Variants in PHKB observed in about 807,000 individuals in gnomAD.
PHKB encodes the protein phosphorylase kinase regulatory subunit beta, also known as phosphorylase b kinase regulatory subunit beta.
A neutral mutation model predicts 152.1 loss-of-function variants in PHKB; 122 were observed. The observed-to-expected ratio is 0.80, with a 90% CI of 0.69 to 0.93. The LOEUF (loss-of-function observed/expected upper bound fraction) is 0.93. Ranked by LOEUF, PHKB falls within the 40% of genes least tolerant of loss-of-function variation. PHKB has a pLI of 0.00. For synonymous variants in PHKB, 436 were observed against 464.9 expected, an observed-to-expected ratio of 0.94 and a Z score of 0.80; for missense variants, 1,304 against 1,328.4, an observed-to-expected ratio of 0.98 and a Z score of 0.29.
chr16:47,532,048 ATTAC>A (rs1970870447), intron 6 of PHKB, among the ~76,000 whole-genome samples: 2 of 152,204 alleles, frequency 1.3e-5, no homozygotes, highest in South Asian at 4.1e-4. Context: ...ATAAAGAACT[ATTAC>A]TTATCAATTT....
rs754094853 is a variant in PHKB at position 47,589,057 on chromosome 16, A to T, written c.1023A>T (p.Ser341=). ...KRFLRDGYRT[S]LEDPNRCYYK... Reference sequence around the variant, plus strand: ...TCTTGAGAGATGGGTATAGAACATCATTGGAAGATCCCAACAGATGCTACT... The same window carrying T: ...TCTTGAGAGATGGGTATAGAACATCTTTGGAAGATCCCAACAGATGCTACT... Residue 341 remains serine, a synonymous_variant, in exon 10 of 31, where the codon TCA becomes TCT. Coordinates refer to ENST00000323584, the MANE Select transcript of PHKB (RefSeq NM_000293.3). The T allele has an allele frequency of 6.2e-7, 1 of 1,613,612 alleles. No individual in the cohort carries two copies. The highest frequency in any genetic ancestry group is 1.7e-5 in the Admixed American group (1 of 59,958).
chr16:47,475,861 T>C (rs1240034327), intron 1 of PHKB, among the ~76,000 whole-genome samples: 1 of 152,178 alleles, frequency 6.6e-6, no homozygotes, highest in African/African-American at 2.4e-5. Flanking sequence ...CTGTGGCTTA[T>C]ATAAACATGT....
chr16:47,664,642 A>C, intron 24 of PHKB: 3 of 519,778 alleles, frequency 5.8e-6, no homozygotes, highest in Non-Finnish European at 1.0e-5. Flanking sequence ...TCAGTACAGT[A>C]AGACATCAAG....
intron 14 of PHKB, among the ~76,000 whole-genome samples, chr16:47,623,713 C>G (rs1388302033): frequency 2.0e-5 from 3 of 151,880 alleles, no homozygotes; most frequent in African/African-American, 7.3e-5. Context: ...GCCATCATGC[C>G]TGGTTAATTT....
chr16:47,663,857 T>C lies in PHKB; in HGVS notation c.2336+123T>C. 4.2e-6 allele frequency: 3 copies of C among 716,816 alleles called. No homozygotes were observed. In the South Asian group the frequency reaches 4.5e-5, roughly 11 times the overall value. The allele number at this position is 716,816 out of a possible 1,614,324, so 44.4% of individuals were successfully genotyped here. A position where few individuals can be genotyped will look rare whatever the true frequency, so the allele number is the denominator to read the frequency against. ...TAATTTTTACTTTTAACCTCCAAGGTTACAGCACTTTCTAAGAATGTGCCT... is the reference window on the plus strand; with the variant it reads ...TAATTTTTACTTTTAACCTCCAAGGCTACAGCACTTTCTAAGAATGTGCCT... On this transcript the variant is annotated intron_variant, in intron 24 of 30. Transcript: ENST00000323584.
intron 14 of PHKB, among the ~76,000 whole-genome samples, chr16:47,616,627 A>G (rs1382576155): frequency 6.9e-6 from 1 of 145,598 alleles, no homozygotes; most frequent in East Asian, 1.9e-4. Context: ...ATCATATATT[A>G]ATATATGATA....
intron 7 of PHKB, among the ~76,000 whole-genome samples, chr16:47,551,406 A>G (rs571253190): frequency 6.6e-6 from 1 of 152,274 alleles, no homozygotes. Flanking sequence ...AGATTCTGGT[A>G]CATTGTGTCT....
chr16:47,680,767 C>T (rs1040196749), intron 26 of PHKB, among the ~76,000 whole-genome samples: 4 of 152,132 alleles, frequency 2.6e-5, no homozygotes, highest in Admixed American at 2.6e-4. Flanking sequence ...GTCTCTATTT[C>T]CTTCAGTTCT....
chr16:47,641,588 A>G lies in PHKB; in HGVS notation c.1515-11A>G, dbSNP rs756534860. ...TCTTAAAACGTCTCTTTTTATCCCT[A>G]TGATCTTTAGACTTCAAGTTTTTCT... On this transcript the variant is annotated splice_polypyrimidine_tract_variant and intron_variant, in intron 15 of 30. Coordinates refer to ENST00000323584, the MANE Select transcript of PHKB (RefSeq NM_000293.3). 6 of 1,411,842 alleles carry G rather than the reference A, an allele frequency of 4.2e-6. No homozygotes were observed. Among genetic ancestry groups the G allele is most frequent in the African/African-American group, 2.8e-5 (2 of 70,926 alleles). 87.5% of individuals were successfully genotyped at this position (1,411,842 alleles called of 1,614,324 possible).
In PHKB at chr16:47,616,577, TA is replaced by T. The variant is rs1430638047; in HGVS notation, c.1458+5660del. ...CATATGTTAATATATATTTTACATA[TA>T]AATATCATATATTAATATATAATAT... On this transcript the variant is annotated intron_variant, in intron 14 of 30. Transcript: ENST00000323584. Among the ~76,000 whole-genome samples the T allele has an allele frequency of 2.8e-5, 4 of 143,966 alleles. No individual in the cohort carries two copies. In the East Asian group the frequency reaches 7.8e-4, roughly 28 times the overall value. 94.4% of individuals were successfully genotyped at this position (143,966 alleles called of 152,430 possible).
Position 47,499,851 on chromosome 16 carries a change from C to G in PHKB, c.262C>G (p.Leu88Val), listed in dbSNP as rs1466722406. Residue 88 changes from leucine (L) to valine (V), a missense_variant, in exon 3 of 31, where the codon CTA becomes GTA. Coordinates refer to ENST00000323584, the MANE Select transcript of PHKB (RefSeq NM_000293.3). The stretch of plus-strand genomic sequence containing the variant: ...CCAGAAGGCCAAGATCCAGGACAGC[C>G]TATACTGCGCTGCTGGGGCCTGGGC... Reference protein sequence around the residue: ...GDQKAKIQDSLYCAAGAWALA... With the variant: ...GDQKAKIQDSVYCAAGAWALA... The G allele has an allele frequency of 1.2e-6, 2 of 1,614,154 alleles. No homozygotes were observed. Among genetic ancestry groups the G allele is most frequent in the African/African-American group, 1.3e-5 (1 of 75,040 alleles).
chr16:47,497,808 A>T (rs1027710313), intron 2 of PHKB, among the ~76,000 whole-genome samples: 1 of 152,188 alleles, frequency 6.6e-6, no homozygotes, highest in African/African-American at 2.4e-5. Flanking sequence ...TCATATAAGT[A>T]TTAATTTGCT....
At chr16:47,618,969 T>C (rs1972569593) in intron 14 of PHKB, among the ~76,000 whole-genome samples, 2 of 152,190 alleles carry the variant, frequency 1.3e-5, no homozygotes, top group Non-Finnish European at 2.9e-5. Flanking sequence ...CTTAGCCTAG[T>C]TTGGTATTTG....
Position 47,556,387 on chromosome 16 carries a change from A to G in PHKB, c.710+8839A>G, listed in dbSNP as rs192624116. Reference sequence around the variant, plus strand: ...TGCTTCCAGTTTTTGCCCATTCAGTATGATATTGGCTGTGGGTTTGTCATA... The same window carrying G: ...TGCTTCCAGTTTTTGCCCATTCAGTGTGATATTGGCTGTGGGTTTGTCATA... On this transcript the variant is annotated intron_variant, in intron 7 of 30. Transcript: ENST00000323584. 5.7e-3 allele frequency among the ~76,000 whole-genome samples: 875 copies of G among 152,276 alleles called. 7 individuals carry two copies. The highest frequency in any genetic ancestry group is 0.02 in the African/African-American group (833 of 41,554).
intron 1 of PHKB, among the ~76,000 whole-genome samples, chr16:47,488,391 T>G (rs912503138): frequency 1.3e-5 from 2 of 152,320 alleles, no homozygotes; most frequent in African/African-American, 4.8e-5. Context: ...CTCTAGATTG[T>G]CTGTTTGCTC....
intron 25 of PHKB, 57 bp from the exon 26 acceptor site, chr16:47,669,158 T>A (rs1404168717): frequency 1.6e-5 from 22 of 1,385,650 alleles, no homozygotes; most frequent in East Asian, 2.3e-5. Flanking sequence ...GATTTTTTTT[T>A]AATTTTTATC....
At chr16:47,606,623 C>T (rs1010724558) in intron 13 of PHKB, among the ~76,000 whole-genome samples, 13 of 152,142 alleles carry the variant, frequency 8.5e-5, no homozygotes, top group Non-Finnish European at 1.6e-4. Flanking sequence ...TGCGGACTTG[C>T]TGGGTTGGAA....
At chr16:47,489,838 G>A (rs1970116630) in intron 1 of PHKB, among the ~76,000 whole-genome samples, 1 of 152,140 alleles carries the variant, frequency 6.6e-6, no homozygotes, top group East Asian at 1.9e-4. Context: ...CTCCAATTGT[G>A]TCCTGCTGCA....
rs1185561392 is a variant in PHKB, at chr16:47,648,549, G to T, written c.1625G>T (p.Gly542Val). 6 of 1,612,240 alleles carry T rather than the reference G, an allele frequency of 3.7e-6. No homozygotes were observed. The East Asian group carries it at 6.7e-5, about 18-fold the overall frequency. ...QELVKAYLQL[G>V]INEKLGLSGR... ...GTCTTACAGGCTTATTTGCAGCTGG[G>T]TATCAATGAAAAGTTAGGACTCTCT... Residue 542 changes from glycine (G) to valine (V), a missense_variant, in exon 17 of 31, where the codon GGT becomes GTT. Gly to Val is a moderately radical substitution (Grantham distance 109, BLOSUM62 -3). Transcript: ENST00000323584.
Sources: allele counts gnomAD v4.1 joint callset (sites outside exome capture counted in the v4.1 genomes callset), GRCh38; gene constraint gnomAD v4.1.1; transcripts MANE v1.5; gene names NCBI Gene and HGNC (gene_info 2026-07-23, HGNC 2026-07-21).